WDPCP: variants seen among roughly 807,000 people sequenced by gnomAD.
WDPCP encodes the protein WD repeat containing planar cell polarity effector.
Under a neutral mutation model 93.1 loss-of-function variants are expected in WDPCP, and 71 were observed. The observed-to-expected ratio is 0.76, with a 90% CI of 0.63 to 0.93. The LOEUF (loss-of-function observed/expected upper bound fraction) is 0.93, where lower values mean the gene tolerates loss of function less well. WDPCP is among the 40% of genes least tolerant of loss of function. The pLI is 0.00. For missense variants in WDPCP, 844 were observed against 887.4 expected (o/e 0.95, Z 0.62); for synonymous variants, 315 against 315.0 (o/e 1.00, Z 0.00).
chr2:63,547,842 T>C (rs1480468121), intron 1 of WDPCP, among the ~76,000 whole-genome samples: 1 of 152,090 alleles, frequency 6.6e-6, no homozygotes, highest in African/African-American at 2.4e-5. Context: ...AAGAGCAGTT[T>C]ATTAATAGAT....
intron 2 of WDPCP, among the ~76,000 whole-genome samples, chr2:63,808,135 G>C (rs998747546): frequency 6.6e-5 from 10 of 152,180 alleles, no homozygotes; most frequent in African/African-American, 2.2e-4. Context: ...CCACAAGGCT[G>C]TAAGTTTATA....
intron 1 of WDPCP, among the ~76,000 whole-genome samples, chr2:63,521,658 A>C (rs1392474703): frequency 1.3e-5 from 2 of 152,200 alleles, no homozygotes; most frequent in Non-Finnish European, 2.9e-5. Flanking sequence ...ACCTGAACTC[A>C]ACACTGGACC....
intron 6 of WDPCP, among the ~76,000 whole-genome samples, chr2:63,450,566 G>A (rs1698171645): frequency 6.6e-6 from 1 of 152,106 alleles, no homozygotes; most frequent in African/African-American, 2.4e-5. Flanking sequence ...TAACACCAGT[G>A]CCACTGCACA....
At chr2:63,325,796 A>C (rs562911026) in intron 12 of WDPCP, among the ~76,000 whole-genome samples, 6 of 152,314 alleles carry the variant, frequency 3.9e-5, no homozygotes, top group African/African-American at 1.4e-4. Context: ...TGAAAAGAAA[A>C]TCAACCCTGA....
chr2:63,462,734 G>T (rs1476768261), intron 6 of WDPCP, among the ~76,000 whole-genome samples: 1 of 152,060 alleles, frequency 6.6e-6, no homozygotes, highest in Non-Finnish European at 1.5e-5. Flanking sequence ...AGTTGGATAT[G>T]GGGGGAAAGA....
At chr2:63,719,035 G>C (rs539138563) in intron 2 of WDPCP, among the ~76,000 whole-genome samples, 53 of 152,320 alleles carry the variant, frequency 3.5e-4, no homozygotes, top group Middle Eastern at 3.4e-3. Flanking sequence ...AATTTAGTCA[G>C]AGTCTTGACA....
intron 1 of WDPCP, among the ~76,000 whole-genome samples, chr2:63,576,590 T>C (rs1708132554): frequency 6.6e-6 from 1 of 152,186 alleles, no homozygotes. Context: ...GAGGTTTCTT[T>C]ATGTAGGCAT....
chr2:63,487,641 C>T (rs764930764), intron 2 of WDPCP, 147 bp from the exon 3 acceptor site: 17 of 569,768 alleles, frequency 3.0e-5, no homozygotes, highest in Non-Finnish European at 4.7e-5. Context: ...CAAAAGCATC[C>T]GGAGATGAGT....
chr2:63,213,806 C>G (rs1677058563), intron 14 of WDPCP, among the ~76,000 whole-genome samples: 1 of 152,154 alleles, frequency 6.6e-6, no homozygotes, highest in African/African-American at 2.4e-5. Flanking sequence ...ACCGATCCCA[C>G]AGAGATACAA....
intron 2 of WDPCP, among the ~76,000 whole-genome samples, chr2:63,808,290 C>T (rs181098294): frequency 1.3e-5 from 2 of 149,176 alleles, no homozygotes; most frequent in Admixed American, 6.7e-5. Context: ...TTCCTTCGCT[C>T]CCTCTCCCTC....
At chr2:63,834,236 A>C in the WDPCP span, among the ~76,000 whole-genome samples, 1 of 152,248 alleles carries the variant, frequency 6.6e-6, no homozygotes, top group Non-Finnish European at 1.5e-5. Context: ...CTCCAAATCC[A>C]GACAGCAGTC....
At chr2:63,620,171 G>T (rs1482465670) in intron 3 of WDPCP, among the ~76,000 whole-genome samples, 6 of 152,176 alleles carry the variant, frequency 3.9e-5, no homozygotes, top group African/African-American at 1.4e-4. Flanking sequence ...CAGTGTGACA[G>T]AAGCGTTCAC....
intron 1 of WDPCP, among the ~76,000 whole-genome samples, chr2:63,560,214 A>C (rs1706492886): frequency 6.6e-6 from 1 of 152,058 alleles, no homozygotes; most frequent in Admixed American, 6.6e-5. Flanking sequence ...CAAGAGCAAA[A>C]ATCCGTCGCA....
At chr2:63,699,785 T>C (rs967916136) in intron 2 of WDPCP, among the ~76,000 whole-genome samples, 1 of 152,220 alleles carries the variant, frequency 6.6e-6, no homozygotes, top group Admixed American at 6.5e-5. Context: ...ACATGCACTC[T>C]GATTTCAGAG....
At chr2:63,796,845 T>G (rs1670624848) in intron 2 of WDPCP, among the ~76,000 whole-genome samples, 1 of 152,146 alleles carries the variant, frequency 6.6e-6, no homozygotes, top group Non-Finnish European at 1.5e-5. Flanking sequence ...GGGCACAAGA[T>G]CTAGTAAGAC....
chr2:63,604,749 G>A, intron 3 of WDPCP: 2 of 1,614,042 alleles, frequency 1.2e-6, no homozygotes, highest in Non-Finnish European at 1.7e-6. Context: ...TCATTATCTG[G>A]GGAAACCATT....
intron 3 of WDPCP, among the ~76,000 whole-genome samples, chr2:63,625,742 C>T (rs981011968): frequency 3.9e-5 from 6 of 152,114 alleles, no homozygotes; most frequent in African/African-American, 1.2e-4. Context: ...GAATCAATAT[C>T]GTGAAAATGG....
intron 9 of WDPCP, among the ~76,000 whole-genome samples, chr2:63,411,201 G>C (rs1302269982): frequency 6.6e-6 from 1 of 152,038 alleles, no homozygotes; most frequent in Admixed American, 6.5e-5. Context: ...GACCACAGTA[G>C]AACAAAACTA....
intron 13 of WDPCP, among the ~76,000 whole-genome samples, chr2:63,289,234 A>T (rs1684231614): frequency 6.6e-6 from 1 of 152,196 alleles, no homozygotes; most frequent in East Asian, 1.9e-4. Flanking sequence ...GAAAATTATC[A>T]CTATGATGTT....
Sources: allele counts gnomAD v4.1 joint callset (sites outside exome capture counted in the v4.1 genomes callset), GRCh38; gene constraint gnomAD v4.1.1; transcripts MANE v1.5; gene names NCBI Gene and HGNC (gene_info 2026-07-23, HGNC 2026-07-21).